GALNT13: variants seen among roughly 807,000 people sequenced by gnomAD.
The protein encoded by GALNT13 is UDP-GalNAc:polypeptide N-acetylgalactosaminyltransferase 13.
In GALNT13, 28 loss-of-function variants were observed where a neutral mutation model predicts 64.2. That is an observed-to-expected ratio of 0.44 (90% confidence interval 0.32 to 0.60). The LOEUF (loss-of-function observed/expected upper bound fraction) is 0.60. Among genes scored for constraint, GALNT13 ranks in the 20% least tolerant of loss-of-function variants. The pLI, the probability that GALNT13 is intolerant of heterozygous loss-of-function variation, is 0.05. For synonymous variants in GALNT13, 214 were observed against 224.6 expected (o/e 0.95, Z 0.42); for missense variants, 577 against 669.8 (o/e 0.86, Z 1.53).
chr2:154,413,356 C>T (rs1003256137), intron 11 of GALNT13, among the ~76,000 whole-genome samples: 1 of 151,936 alleles, frequency 6.6e-6, no homozygotes, highest in African/African-American at 2.4e-5. Flanking sequence ...CCTTTTATAA[C>T]CAGGATCTCT....
intron 9 of GALNT13, among the ~76,000 whole-genome samples, chr2:154,383,431 G>T (rs1398088660): frequency 6.6e-6 from 1 of 151,760 alleles, no homozygotes; most frequent in Non-Finnish European, 1.5e-5. Context: ...TTTACAGTCT[G>T]CCTAGATAGT....
chr2:153,115,285 C>T, the GALNT13 span, among the ~76,000 whole-genome samples: 68 of 152,244 alleles, frequency 4.5e-4, no homozygotes, highest in East Asian at 5.8e-4. Context: ...ATCCAGGAAG[C>T]ACTGGGTAAG....
the GALNT13 span, among the ~76,000 whole-genome samples, chr2:153,612,924 A>C: frequency 6.6e-6 from 1 of 152,150 alleles, no homozygotes; most frequent in African/African-American, 2.4e-5. Context: ...AATTGTTTCA[A>C]CCATTTTATT....
At chr2:153,534,269 G>T in the GALNT13 span, among the ~76,000 whole-genome samples, 1 of 152,074 alleles carries the variant, frequency 6.6e-6, no homozygotes, top group Non-Finnish European at 1.5e-5. Flanking sequence ...CTGGGTACCA[G>T]AAATAGCGGT....
At chr2:153,321,456 A>G in the GALNT13 span, among the ~76,000 whole-genome samples, 2 of 152,234 alleles carry the variant, frequency 1.3e-5, no homozygotes, top group Non-Finnish European at 2.9e-5. Flanking sequence ...CAGTGTAAGC[A>G]TAATATAAGC....
the GALNT13 span, chr2:153,478,403 G>T: frequency 6.8e-6 from 11 of 1,614,166 alleles, no homozygotes; most frequent in Middle Eastern, 1.6e-4. Flanking sequence ...TGCACCACGC[G>T]CATTATGTAC....
At chr2:154,174,981 C>G (rs1685569490) in intron 4 of GALNT13, among the ~76,000 whole-genome samples, 1 of 152,090 alleles carries the variant, frequency 6.6e-6, no homozygotes, top group Non-Finnish European at 1.5e-5. Flanking sequence ...TACTGAAGTT[C>G]TTATGAAAAC....
At chr2:153,090,811 G>A in the GALNT13 span, among the ~76,000 whole-genome samples, 1 of 152,130 alleles carries the variant, frequency 6.6e-6, no homozygotes, top group Non-Finnish European at 1.5e-5. Flanking sequence ...TGTGGGGAAT[G>A]GGGAATGGTT....
the GALNT13 span, among the ~76,000 whole-genome samples, chr2:153,183,732 C>G: frequency 6.6e-5 from 10 of 152,046 alleles, no homozygotes; most frequent in Admixed American, 5.9e-4. Context: ...GGCAGTCTCT[C>G]CCCCATTGCT....
At chr2:153,844,467 A>C in the GALNT13 span, among the ~76,000 whole-genome samples, 44,732 of 152,034 alleles carry the variant, frequency 0.29, 7,191 homozygotes, top group Middle Eastern at 0.43. Context: ...CAACAAAATC[A>C]TTCTTCCCTA....
At chr2:153,765,171 A>G in the GALNT13 span, among the ~76,000 whole-genome samples, 1 of 152,162 alleles carries the variant, frequency 6.6e-6, no homozygotes, top group Non-Finnish European at 1.5e-5. Context: ...GAAGAGGGCC[A>G]CTGTCCTCCA....
At chr2:153,138,137 A>G in the GALNT13 span, among the ~76,000 whole-genome samples, 1 of 152,074 alleles carries the variant, frequency 6.6e-6, no homozygotes, top group Non-Finnish European at 1.5e-5. Flanking sequence ...ACTGAGGGAG[A>G]AATTGCAGAA....
the GALNT13 span, among the ~76,000 whole-genome samples, chr2:153,110,568 C>T: frequency 6.6e-6 from 1 of 152,110 alleles, no homozygotes; most frequent in Middle Eastern, 3.4e-3. Flanking sequence ...AGCTTTTGTT[C>T]CTAACTCTCC....
At chr2:154,319,327 A>G (rs528458787) in intron 9 of GALNT13, among the ~76,000 whole-genome samples, 1 of 152,350 alleles carries the variant, frequency 6.6e-6, no homozygotes, top group East Asian at 1.9e-4. Flanking sequence ...GAACAATTCT[A>G]TAGTGAATGT....
chr2:153,127,639 A>C, the GALNT13 span, among the ~76,000 whole-genome samples: 1 of 152,102 alleles, frequency 6.6e-6, no homozygotes, highest in African/African-American at 2.4e-5. Flanking sequence ...TCTTCTAGTT[A>C]TGTTTGACTC....
At chr2:153,307,844 A>T in the GALNT13 span, among the ~76,000 whole-genome samples, 3 of 152,186 alleles carry the variant, frequency 2.0e-5, no homozygotes, top group Non-Finnish European at 4.4e-5. Context: ...TCAGGGACCT[A>T]TCTCAAATTG....
the GALNT13 span, among the ~76,000 whole-genome samples, chr2:153,073,785 T>A: frequency 1.2e-4 from 18 of 152,318 alleles, no homozygotes; most frequent in Admixed American, 1.2e-3. Context: ...TGAATCAGGA[T>A]CTGAATAAGA....
At chr2:154,200,284 A>G (rs1391786005) in intron 4 of GALNT13, among the ~76,000 whole-genome samples, 3 of 152,122 alleles carry the variant, frequency 2.0e-5, no homozygotes, top group African/African-American at 7.2e-5. Context: ...AAAGAATTTC[A>G]ATAGAATTAC....
At chr2:153,402,656 T>C in the GALNT13 span, among the ~76,000 whole-genome samples, 1 of 152,158 alleles carries the variant, frequency 6.6e-6, no homozygotes, top group Non-Finnish European at 1.5e-5. Flanking sequence ...TAAACTTCCC[T>C]TCTCGCTTCA....
Sources: gnomAD v4.1 joint callset for allele counts (sites outside exome capture counted in the v4.1 genomes callset) on GRCh38, gnomAD v4.1.1 for gene constraint, MANE v1.5 for transcripts, NCBI Gene and HGNC (gene_info 2026-07-23, HGNC 2026-07-21) for gene names.